Variants in MACROD2 observed in about 807,000 individuals in gnomAD.
MACROD2 encodes the protein mono-ADP ribosylhydrolase 2.
In MACROD2, 36 loss-of-function variants were observed where a neutral mutation model predicts 70.4. The ratio of observed to expected loss-of-function variants is 0.51; its 90% confidence interval spans 0.39 to 0.68. MACROD2 has a LOEUF of 0.68. MACROD2 is among the 30% of genes least tolerant of loss of function. The pLI is 0.00. For missense variants in MACROD2, 496 were observed against 538.4 expected, an observed-to-expected ratio of 0.92 and a Z score of 0.78; for synonymous variants, 172 against 178.8, an observed-to-expected ratio of 0.96 and a Z score of 0.30.
intron 5 of MACROD2, among the ~76,000 whole-genome samples, chr20:15,165,839 C>A (rs1158782548): frequency 6.6e-6 from 1 of 151,916 alleles, no homozygotes; most frequent in East Asian, 1.9e-4. Context: ...AATAATTTTA[C>A]CGTATCAAAA....
intron 10 of MACROD2, among the ~76,000 whole-genome samples, chr20:15,890,625 G>A (rs144877903): frequency 4.2e-4 from 64 of 152,310 alleles, no homozygotes; most frequent in African/African-American, 1.5e-3. Flanking sequence ...CACCCTGGCT[G>A]TGGTAATAAC....
At chr20:14,171,260 T>C (rs2081218399) in intron 3 of MACROD2, among the ~76,000 whole-genome samples, 2 of 152,238 alleles carry the variant, frequency 1.3e-5, no homozygotes. Flanking sequence ...ACTAACGTTA[T>C]TAAGTTTGTT....
At chr20:15,849,192 G>C (rs1056057287) in intron 8 of MACROD2, among the ~76,000 whole-genome samples, 4 of 152,132 alleles carry the variant, frequency 2.6e-5, no homozygotes, top group African/African-American at 9.7e-5. Flanking sequence ...TTTGGTTTGT[G>C]CTTTCACATT....
At chr20:14,344,271 G>A (rs1041008008) in intron 3 of MACROD2, among the ~76,000 whole-genome samples, 9 of 152,200 alleles carry the variant, frequency 5.9e-5, no homozygotes, top group African/African-American at 2.2e-4. Flanking sequence ...GATATGAACT[G>A]ATTATTTGCC....
At chr20:14,389,398 G>A (rs1395311545) in intron 3 of MACROD2, among the ~76,000 whole-genome samples, 1 of 139,616 alleles carries the variant, frequency 7.2e-6, no homozygotes, top group Non-Finnish European at 1.5e-5. Context: ...CTCTGACCTG[G>A]GCGACAGGGC....
chr20:14,947,036 C>T lies in MACROD2; in HGVS notation c.418+262077C>T, dbSNP rs574959329. Among the ~76,000 whole-genome samples, 20 of 152,206 alleles carry T rather than the reference C, an allele frequency of 1.3e-4. No homozygotes were observed. The South Asian group carries it at 2.9e-3, about 22-fold the overall frequency. The stretch of plus-strand genomic sequence containing the variant: ...TTAAGTTTGATCCCTTCCAGATGGC[C>T]GGATACCTGGCTGTCGGATCCTTGG... On this transcript the variant is annotated intron_variant, in intron 5 of 17. Coordinates refer to ENST00000684519, the MANE Select transcript of MACROD2 (RefSeq NM_001351661.2).
At chr20:14,599,295 G>T (rs150873633) in intron 4 of MACROD2, among the ~76,000 whole-genome samples, 2,250 of 152,250 alleles carry the variant, frequency 0.015, 59 homozygotes, top group African/African-American at 0.051. Flanking sequence ...TACTGTTAAA[G>T]CGTTGAGGAC....
intron 5 of MACROD2, among the ~76,000 whole-genome samples, chr20:14,705,312 C>G (rs190586084): frequency 6.6e-6 from 1 of 151,950 alleles, no homozygotes; most frequent in Non-Finnish European, 1.5e-5. Flanking sequence ...ATATAAACCG[C>G]CAAGAGCCAG....
At chr20:14,030,904 G>A (rs987448584) in intron 2 of MACROD2, among the ~76,000 whole-genome samples, 1 of 152,162 alleles carries the variant, frequency 6.6e-6, no homozygotes, top group Non-Finnish European at 1.5e-5. Context: ...AAATTAAATA[G>A]ATGAAAGACA....
intron 5 of MACROD2, among the ~76,000 whole-genome samples, chr20:15,054,934 C>T (rs568101272): frequency 4.0e-5 from 6 of 150,790 alleles, no homozygotes; most frequent in East Asian, 3.9e-4. Context: ...AGGCTTGTGC[C>T]GCCACATCTA....
chr20:15,989,715 T>A (rs1180261321), intron 15 of MACROD2, among the ~76,000 whole-genome samples: 3 of 152,142 alleles, frequency 2.0e-5, no homozygotes, highest in Admixed American at 6.5e-5. Flanking sequence ...GAATTATCTG[T>A]AAACAAAACA....
intron 3 of MACROD2, among the ~76,000 whole-genome samples, chr20:14,197,732 A>G (rs532843461): frequency 4.6e-5 from 7 of 152,190 alleles, no homozygotes; most frequent in Admixed American, 2.0e-4. Flanking sequence ...GCACCACTGC[A>G]TTCCAGCCTG....
chr20:15,361,144 C>T (rs752840554), intron 6 of MACROD2, among the ~76,000 whole-genome samples: 1 of 152,010 alleles, frequency 6.6e-6, no homozygotes, highest in African/African-American at 2.4e-5. Flanking sequence ...AGCTCTATAC[C>T]TTGATACTTT....
chr20:15,121,918 T>A (rs1331786795), intron 5 of MACROD2, among the ~76,000 whole-genome samples: 1 of 152,146 alleles, frequency 6.6e-6, no homozygotes, highest in Non-Finnish European at 1.5e-5. Flanking sequence ...TTGGTTTTTG[T>A]TTTCCTTACA....
At chr20:15,439,205 G>A (rs556977337) in intron 7 of MACROD2, among the ~76,000 whole-genome samples, 13 of 152,210 alleles carry the variant, frequency 8.5e-5, no homozygotes, top group Middle Eastern at 3.4e-3. Flanking sequence ...TGACTTCTCC[G>A]AATGTACCCC....
chr20:14,810,144 A>G (rs1027451726), intron 5 of MACROD2, among the ~76,000 whole-genome samples: 1 of 152,106 alleles, frequency 6.6e-6, no homozygotes, highest in African/African-American at 2.4e-5. Flanking sequence ...ACGACAAAAT[A>G]ATTTCAGGCC....
At chr20:15,531,998 T>C (rs2047809479) in intron 8 of MACROD2, among the ~76,000 whole-genome samples, 1 of 152,180 alleles carries the variant, frequency 6.6e-6, no homozygotes, top group Non-Finnish European at 1.5e-5. Context: ...ATAACTAACA[T>C]GTATTGAGTA....
intron 5 of MACROD2, among the ~76,000 whole-genome samples, chr20:14,764,577 A>G (rs6079556): frequency 1.3e-5 from 2 of 151,872 alleles, no homozygotes; most frequent in Non-Finnish European, 2.9e-5. Flanking sequence ...AGGACCAGCA[A>G]GTACCTTCAT....
chr20:15,885,894 A>G lies in MACROD2; in HGVS notation c.775+83A>G. 15 of 1,319,174 alleles carry G rather than the reference A, an allele frequency of 1.1e-5. No homozygotes were observed. The South Asian group carries it at 2.0e-4, about 18-fold the overall frequency. The allele number at this position is 1,319,174 out of a possible 1,614,324, so 81.7% of individuals were successfully genotyped here. A position where few individuals can be genotyped will look rare whatever the true frequency, so the allele number is the denominator to read the frequency against. On this transcript the variant is annotated intron_variant, in intron 10 of 17. Coordinates refer to ENST00000684519, the MANE Select transcript of MACROD2 (RefSeq NM_001351661.2). The stretch of plus-strand genomic sequence containing the variant: ...GTACACTTCATATTTTTTCAACGAA[A>G]GACAAAATAAGATTAATAAAATAGA...
Sources: gnomAD v4.1 joint callset for allele counts (sites outside exome capture counted in the v4.1 genomes callset) on GRCh38, gnomAD v4.1.1 for gene constraint, MANE v1.5 for transcripts, NCBI Gene and HGNC (gene_info 2026-07-23, HGNC 2026-07-21) for gene names.